FRAS1: variants seen among roughly 807,000 people sequenced by gnomAD.
The protein encoded by FRAS1 is Fraser extracellular matrix complex subunit 1, also known as extracellular matrix organizing protein FRAS1.
Under a neutral mutation model 435.2 loss-of-function variants are expected in FRAS1, and 290 were observed. The observed-to-expected ratio is 0.67, with a 90% CI of 0.61 to 0.73. The LOEUF (loss-of-function observed/expected upper bound fraction) is 0.73, where lower values mean the gene tolerates loss of function less well. Among genes scored for constraint, FRAS1 ranks in the 30% least tolerant of loss-of-function variants. FRAS1 has a pLI of 0.00. For missense variants in FRAS1, 4,860 were observed against 5,001.5 expected (o/e 0.97, Z 0.85); for synonymous variants, 1,800 against 1,851.0 (o/e 0.97, Z 0.71).
chr4:78,287,157 AGT>A lies in FRAS1; in HGVS notation c.1534+620_1534+621del, dbSNP rs201158501. Among the ~76,000 whole-genome samples, 111 of 152,186 alleles carry A rather than the reference AGT, an allele frequency of 7.3e-4. 1 individual carries two copies. Among genetic ancestry groups the A allele is most frequent in the African/African-American group, 2.5e-3 (103 of 41,484 alleles). On this transcript the variant is annotated intron_variant, in intron 14 of 73. Transcript: ENST00000512123. ...TTACATGGTGTCTGGAGAGAGAGAGAGTGAGAGAGAGAGATAATGAAGGGGGA... is the reference window on the plus strand; with the variant it reads ...TTACATGGTGTCTGGAGAGAGAGAGAGAGAGAGAGAGATAATGAAGGGGGA...
Position 78,526,549 on chromosome 4 carries a change from A to G in FRAS1, c.10817A>G (p.Tyr3606Cys), listed in dbSNP as rs1455102909. The part of the protein sequence containing the change: ...RATSSYNRKD[Y>C]SGEYTIYLIP... ...GCTCTGCATGTTTCCAGGAAGGACT[A>G]CTCAGGAGAGTACACCATCTACCTG... Residue 3606 changes from tyrosine (Y) to cysteine (C), a missense_variant, in exon 70 of 74, where the codon TAC (tyrosine) becomes TGC (cysteine). Physicochemically the swap from Tyr to Cys is radical, Grantham distance 194. Transcript: ENST00000512123. The G allele has an allele frequency of 3.1e-6, 5 of 1,589,868 alleles. No homozygotes were observed. Among genetic ancestry groups the G allele is most frequent in the Admixed American group, 1.7e-5 (1 of 57,156 alleles).
intron 5 of FRAS1, among the ~76,000 whole-genome samples, chr4:78,253,895 T>C (rs1725665726): frequency 6.6e-6 from 1 of 152,184 alleles, no homozygotes. Flanking sequence ...GTCTGTGTAG[T>C]ATCATCAACA....
intron 27 of FRAS1, 80 bp downstream of exon 27, chr4:78,380,076 C>G (rs1336448736): frequency 4.8e-6 from 7 of 1,472,514 alleles, no homozygotes; most frequent in Admixed American, 2.1e-5. Flanking sequence ...CCCAGCCTCT[C>G]TGTCTCAATA....
At chr4:78,126,688 T>C (rs1420088056) in intron 2 of FRAS1, among the ~76,000 whole-genome samples, 2 of 152,252 alleles carry the variant, frequency 1.3e-5, no homozygotes, top group Non-Finnish European at 2.9e-5. Context: ...TTTGTTTTAT[T>C]TTTAATCCAG....
intron 6 of FRAS1, among the ~76,000 whole-genome samples, chr4:78,260,127 C>T (rs908521396): frequency 6.6e-6 from 1 of 151,880 alleles, no homozygotes; most frequent in Admixed American, 6.6e-5. Flanking sequence ...AGTTTGAAGT[C>T]AGGTAGTGTG....
Position 78,363,634 on chromosome 4 carries a change from A to G in FRAS1, c.2544A>G (p.Ser848=). 1 of 1,600,852 alleles carries G rather than the reference A, an allele frequency of 6.2e-7. No homozygotes were observed. The highest frequency in any genetic ancestry group is 1.3e-5 in the African/African-American group (1 of 74,756). ...ACCACTGTGTTCCTGACTGCCCTTC[A>G]GGATACTATGCAGAGAGAGGAGCTT... The part of the protein sequence containing the change: ...LGDHCVPDCP[S]GYYAERGACK... Residue 848 remains serine, a synonymous_variant, in exon 21 of 74, where the codon TCA becomes TCG. Transcript: ENST00000512123.
intron 2 of FRAS1, among the ~76,000 whole-genome samples, chr4:78,093,650 G>A (rs770135750): frequency 1.2e-4 from 18 of 152,038 alleles, no homozygotes; most frequent in Non-Finnish European, 2.5e-4. Flanking sequence ...TTTTTATAAG[G>A]AACCATCTGC....
At chr4:78,200,650 G>A (rs1723009880) in intron 2 of FRAS1, among the ~76,000 whole-genome samples, 1 of 151,704 alleles carries the variant, frequency 6.6e-6, no homozygotes, top group Non-Finnish European at 1.5e-5. Flanking sequence ...TCTGGGCCCT[G>A]TATTGCATTT....
At chr4:78,095,275 A>G (rs1482158743) in intron 2 of FRAS1, among the ~76,000 whole-genome samples, 1 of 152,182 alleles carries the variant, frequency 6.6e-6, no homozygotes, top group South Asian at 2.1e-4. Flanking sequence ...AAAAAAGACT[A>G]TTTCCAGATG....
intron 2 of FRAS1, among the ~76,000 whole-genome samples, chr4:78,151,648 A>C (rs544825066): frequency 6.6e-6 from 1 of 152,344 alleles, no homozygotes; most frequent in East Asian, 1.9e-4. Context: ...ACAAGTTCTC[A>C]GAATGTGCTA....
At chr4:78,357,920 T>G (rs1305108717) in intron 20 of FRAS1, among the ~76,000 whole-genome samples, 1 of 152,108 alleles carries the variant, frequency 6.6e-6, no homozygotes, top group Non-Finnish European at 1.5e-5. Flanking sequence ...AAAAGACAAT[T>G]TTTTTTCTTT....
chr4:78,489,229 TC>T, intron 59 of FRAS1, 149 bp downstream of exon 59: 1 of 645,870 alleles, frequency 1.5e-6, no homozygotes, highest in Non-Finnish European at 2.5e-6. Flanking sequence ...GGGTGCCAAC[TC>T]CCCACACAGT....
chr4:78,476,856 A>T (rs1719865929), intron 54 of FRAS1, among the ~76,000 whole-genome samples: 1 of 152,110 alleles, frequency 6.6e-6, no homozygotes, highest in African/African-American at 2.4e-5. Context: ...CCAGACATTT[A>T]TGTCTGTTTT....
chr4:78,455,932 A>T (rs1387081269), intron 47 of FRAS1, among the ~76,000 whole-genome samples: 3 of 152,144 alleles, frequency 2.0e-5, no homozygotes, highest in Non-Finnish European at 4.4e-5. Context: ...CTTCAACAAG[A>T]CATTTGTTTT....
chr4:78,136,555 A>G (rs1719928513), intron 2 of FRAS1, among the ~76,000 whole-genome samples: 1 of 152,190 alleles, frequency 6.6e-6, no homozygotes, highest in Non-Finnish European at 1.5e-5. Context: ...TAGGATTATA[A>G]CACTTTAGAG....
intron 4 of FRAS1, among the ~76,000 whole-genome samples, chr4:78,246,526 A>T (rs1373232535): frequency 6.6e-6 from 1 of 152,206 alleles, no homozygotes; most frequent in African/African-American, 2.4e-5. Flanking sequence ...GTGCTGCTCG[A>T]TTCAGCCTGT....
At chr4:78,513,849 G>A (rs898072316) in intron 65 of FRAS1, among the ~76,000 whole-genome samples, 5 of 152,222 alleles carry the variant, frequency 3.3e-5, no homozygotes, top group African/African-American at 1.2e-4. Context: ...TACCACTCAA[G>A]ATGAGGATTA....
At chr4:78,289,888 C>T (rs188371907) in intron 14 of FRAS1, among the ~76,000 whole-genome samples, 1 of 152,310 alleles carries the variant, frequency 6.6e-6, no homozygotes, top group East Asian at 1.9e-4. Flanking sequence ...TTTGGTATCA[C>T]TTGCCTTGGA....
At chr4:78,198,338 C>T (rs142576149) in intron 2 of FRAS1, among the ~76,000 whole-genome samples, 5 of 152,288 alleles carry the variant, frequency 3.3e-5, no homozygotes, top group South Asian at 2.1e-4. Context: ...ACAGCCCAGT[C>T]GACTATTATT....
Sources: allele counts gnomAD v4.1 joint callset (sites outside exome capture counted in the v4.1 genomes callset), GRCh38; gene constraint gnomAD v4.1.1; transcripts MANE v1.5; gene names NCBI Gene and HGNC (gene_info 2026-07-23, HGNC 2026-07-21).